Variants in ESR1 observed in about 807,000 individuals in gnomAD.
ESR1 encodes estrogen receptor 1.
In ESR1, 12 loss-of-function variants were observed where a neutral mutation model predicts 52.7. That is an observed-to-expected ratio of 0.23 (90% CI 0.15 to 0.37). ESR1 has a LOEUF of 0.37. Ranked by LOEUF, ESR1 falls within the 10% of genes least tolerant of loss-of-function variation. The pLI, the probability that ESR1 is intolerant of heterozygous loss-of-function variation, is 1.00. For missense variants in ESR1, 584 were observed against 779.7 expected (o/e 0.75, Z 2.99); for synonymous variants, 305 against 316.8 (o/e 0.96, Z 0.39).
intron 2 of ESR1, among the ~76,000 whole-genome samples, chr6:151,781,962 A>G (rs1294832243): frequency 2.6e-5 from 4 of 152,194 alleles, no homozygotes; most frequent in African/African-American, 9.7e-5. Context: ...GTACTGAGGA[A>G]ATAATAACTA....
At chr6:151,766,401 A>G (rs1053283540) in intron 2 of ESR1, among the ~76,000 whole-genome samples, 1 of 152,170 alleles carries the variant, frequency 6.6e-6, no homozygotes, top group Non-Finnish European at 1.5e-5. Context: ...GGATTGCTTG[A>G]GCCTGGGAAG....
chr6:151,920,779 A>T (rs1388007849), intron 3 of ESR1, among the ~76,000 whole-genome samples: 1 of 152,164 alleles, frequency 6.6e-6, no homozygotes, highest in Non-Finnish European at 1.5e-5. Context: ...TCAAGGGTAC[A>T]TGCCATCAAT....
At chr6:151,714,738 T>C (rs1362057988) in intron 2 of ESR1, among the ~76,000 whole-genome samples, 1 of 152,158 alleles carries the variant, frequency 6.6e-6, no homozygotes, top group African/African-American at 2.4e-5. Flanking sequence ...TATCTTTGCA[T>C]GTGATATGGG....
chr6:152,054,483 G>A (rs1331792098), intron 5 of ESR1, among the ~76,000 whole-genome samples: 4 of 151,082 alleles, frequency 2.6e-5, no homozygotes, highest in African/African-American at 4.9e-5. Context: ...CCTACCTGCC[G>A]TCTCTTCCAG....
intron 2 of ESR1, among the ~76,000 whole-genome samples, chr6:151,854,079 C>CT (rs1787385017): frequency 1.3e-5 from 2 of 152,086 alleles, no homozygotes; most frequent in Non-Finnish European, 2.9e-5. Context: ...GCTTTATATC[C>CT]TTTTAAAGAG....
At chr6:151,989,306 C>T (rs149209576) in intron 4 of ESR1, among the ~76,000 whole-genome samples, 41 of 152,108 alleles carry the variant, frequency 2.7e-4, no homozygotes, top group African/African-American at 9.9e-4. Context: ...TAATCAAAAA[C>T]AAGATGATCC....
chr6:152,055,940 C>T (rs921809442), intron 5 of ESR1, among the ~76,000 whole-genome samples: 1 of 152,096 alleles, frequency 6.6e-6, no homozygotes, highest in South Asian at 2.1e-4. Flanking sequence ...CCATCAAATC[C>T]CAATGTTAAT....
chr6:151,684,358 A>G (rs925243489), intron 1 of ESR1, among the ~76,000 whole-genome samples: 11 of 152,186 alleles, frequency 7.2e-5, no homozygotes, highest in Admixed American at 2.0e-4. Flanking sequence ...GAGACGGGTG[A>G]TCAGGGATAT....
intron 4 of ESR1, among the ~76,000 whole-genome samples, chr6:151,978,454 C>G (rs1212332964): frequency 1.3e-5 from 2 of 151,976 alleles, no homozygotes; most frequent in African/African-American, 4.8e-5. Flanking sequence ...ACACAAAACT[C>G]AAAAAATGTA....
chr6:151,926,329 T>C (rs559622216), intron 3 of ESR1, among the ~76,000 whole-genome samples: 1 of 152,308 alleles, frequency 6.6e-6, no homozygotes, highest in East Asian at 1.9e-4. Flanking sequence ...ATTCTAGGTC[T>C]TTTGCCCTTC....
intron 4 of ESR1, among the ~76,000 whole-genome samples, chr6:151,955,379 T>C (rs977965593): frequency 2.6e-5 from 4 of 152,196 alleles, no homozygotes; most frequent in African/African-American, 9.7e-5. Context: ...GTTGAAATGG[T>C]AAATTTTATG....
At chr6:152,031,215 C>A (rs568315713) in intron 5 of ESR1, among the ~76,000 whole-genome samples, 1 of 152,248 alleles carries the variant, frequency 6.6e-6, no homozygotes, top group East Asian at 1.9e-4. Context: ...ACCCTAACAT[C>A]ACAATTAAAA....
chr6:151,697,639 A>T (rs1779456824), intron 1 of ESR1, among the ~76,000 whole-genome samples: 1 of 152,212 alleles, frequency 6.6e-6, no homozygotes, highest in African/African-American at 2.4e-5. Context: ...TTTTATATTT[A>T]TTAAATAGGT....
At chr6:151,943,483 G>GA (rs2035350846) in intron 3 of ESR1, among the ~76,000 whole-genome samples, 2 of 151,918 alleles carry the variant, frequency 1.3e-5, no homozygotes, top group Admixed American at 1.3e-4. Context: ...TTTATGTTAG[G>GA]AAAAAACAAA....
At chr6:151,656,792 A>G (rs1490307108) in intron 1 of ESR1, 1 of 152,126 alleles carries the variant, frequency 6.6e-6, no homozygotes, top group Non-Finnish European at 1.5e-5. Context: ...TACTCTATTA[A>G]CTTTCCCTTG....
chr6:151,852,639 G>GTTTTT (rs35050297), intron 2 of ESR1, among the ~76,000 whole-genome samples: 6 of 127,898 alleles, frequency 4.7e-5, no homozygotes, highest in Non-Finnish European at 6.4e-5. Flanking sequence ...CCAAGCAGGT[G>GTTTTT]TTTTTTTTTT....
At chr6:152,005,744 GA>G (rs1309804067) in intron 4 of ESR1, among the ~76,000 whole-genome samples, 2 of 152,048 alleles carry the variant, frequency 1.3e-5, no homozygotes, top group Non-Finnish European at 2.9e-5. Flanking sequence ...GACCACAGAA[GA>G]ATTGAAAGTC....
At chr6:152,002,183 CAAGT>C (rs1471043694) in intron 4 of ESR1, among the ~76,000 whole-genome samples, 1 of 115,728 alleles carries the variant, frequency 8.6e-6, no homozygotes, top group Non-Finnish European at 1.7e-5. Flanking sequence ...GATTTTAAAT[CAAGT>C]GTGTGTGTGT....
At chr6:151,953,626 G>A (rs370568269) in intron 4 of ESR1, among the ~76,000 whole-genome samples, 177 of 151,956 alleles carry the variant, frequency 1.2e-3, no homozygotes, top group Middle Eastern at 3.4e-3. Context: ...GAGGCTGAGC[G>A]GGGAGAATCG....
Sources: allele counts gnomAD v4.1 joint callset (sites outside exome capture counted in the v4.1 genomes callset), GRCh38; gene constraint gnomAD v4.1.1; transcripts MANE v1.5; gene names NCBI Gene and HGNC (gene_info 2026-07-23, HGNC 2026-07-21).